Variants in DPF3 observed in about 807,000 individuals in gnomAD.
DPF3 encodes the protein double PHD fingers 3.
Under a neutral mutation model 56.8 loss-of-function variants are expected in DPF3, and 18 were observed. The ratio of observed to expected loss-of-function variants is 0.32; its 90% confidence interval spans 0.22 to 0.47. DPF3 has a LOEUF of 0.47. Ranked by LOEUF, DPF3 falls within the 20% of genes least tolerant of loss-of-function variation. The probability of loss-of-function intolerance (pLI) is 1.00; values close to 1 mark genes in which losing one functional copy is unlikely to be tolerated. For synonymous variants in DPF3, 188 were observed against 180.2 expected (o/e 1.04, Z -0.35); for missense variants, 403 against 488.8 (o/e 0.82, Z 1.65).
In DPF3 at chr14:72,792,931, T is replaced by A. The variant is rs893476761; in HGVS notation, c.33-21038A>T. ...GAGACCGTTCTTCAAAATAATAATTTAAAAAAAAAAAACACTGCTGAAACA... is the reference window on the plus strand; with the variant it reads ...GAGACCGTTCTTCAAAATAATAATTAAAAAAAAAAAAACACTGCTGAAACA... On this transcript the variant is annotated intron_variant, in intron 1 of 10. Transcript: ENST00000556509. 1.6e-3 allele frequency among the ~76,000 whole-genome samples: 238 copies of A among 147,952 alleles called. 2 individuals are homozygous for A. The highest frequency in any genetic ancestry group is 5.7e-3 in the African/African-American group (225 of 39,564).
At chr14:72,704,464 C>T (rs1211187669) in intron 6 of DPF3, among the ~76,000 whole-genome samples, 1 of 152,120 alleles carries the variant, frequency 6.6e-6, no homozygotes, top group Admixed American at 6.5e-5. Context: ...GACATCAGTG[C>T]GGCCTCAAAT....
At position 72,884,950 on chromosome 14, in the gene DPF3, ATATATAT is replaced by A. The variant is rs1334909417; in HGVS notation, c.32+9100_32+9106del. Among the ~76,000 whole-genome samples the A allele has an allele frequency of 9.5e-5, 8 of 84,320 alleles. 1 individual carries two copies. The highest frequency in any genetic ancestry group is 5.4e-4 in the Admixed American group (4 of 7,378). The allele number at this position is 84,320 out of a possible 152,430, so 55.3% of individuals were successfully genotyped here. A position where few individuals can be genotyped will look rare whatever the true frequency, so the allele number is the denominator to read the frequency against. On this transcript the variant is annotated intron_variant, in intron 1 of 10. Coordinates refer to ENST00000556509, the MANE Select transcript of DPF3 (RefSeq NM_001280542.3). The stretch of plus-strand genomic sequence containing the variant: ...TCTCTACTAAAAATACTATATATAT[ATATATAT>A]ATATATATATATATTAGCCGGGCGT...
chr14:72,873,242 C>T (rs1328928550), intron 1 of DPF3, among the ~76,000 whole-genome samples: 1 of 150,966 alleles, frequency 6.6e-6, no homozygotes, highest in Admixed American at 6.6e-5. Flanking sequence ...AACAAACAAC[C>T]CCATCAACAA....
chr14:72,677,040 A>T (rs1277793083), intron 7 of DPF3, among the ~76,000 whole-genome samples: 1 of 152,192 alleles, frequency 6.6e-6, no homozygotes, highest in African/African-American at 2.4e-5. Flanking sequence ...TCATCTGAAA[A>T]AGGGAAGCTT....
chr14:72,809,616 C>T (rs771099342), intron 1 of DPF3, among the ~76,000 whole-genome samples: 17 of 152,120 alleles, frequency 1.1e-4, no homozygotes, highest in Non-Finnish European at 2.2e-4. Flanking sequence ...AGGTCCTCGG[C>T]GCCTGGTGGA....
intron 7 of DPF3, among the ~76,000 whole-genome samples, chr14:72,678,209 T>C (rs1322608561): frequency 6.6e-6 from 1 of 152,126 alleles, no homozygotes; most frequent in South Asian, 2.1e-4. Flanking sequence ...TCCCCAGAGA[T>C]TGTGCCTCTA....
chr14:72,746,098 C>T (rs1462752169), intron 3 of DPF3, among the ~76,000 whole-genome samples: 2 of 152,340 alleles, frequency 1.3e-5, no homozygotes, highest in South Asian at 4.1e-4. Context: ...ACGTCCACCC[C>T]CCAGGGGGCA....
In DPF3 at chr14:72,784,697, G is replaced by A. The variant is rs141727822; in HGVS notation, c.33-12804C>T. Among the ~76,000 whole-genome samples the A allele has an allele frequency of 7.9e-5, 12 of 152,272 alleles. 1 individual carries two copies. The highest frequency in any genetic ancestry group is 1.7e-4 in the African/African-American group (7 of 41,556). ...AAATGGGCCAGGCACAGGGGCTCACGCCTGTAATCCTAACACTTTGGGAGG... is the reference window on the plus strand; with the variant it reads ...AAATGGGCCAGGCACAGGGGCTCACACCTGTAATCCTAACACTTTGGGAGG... On this transcript the variant is annotated intron_variant, in intron 1 of 10. Coordinates refer to ENST00000556509, the MANE Select transcript of DPF3 (RefSeq NM_001280542.3).
At chr14:72,862,207 C>T (rs934063356) in intron 1 of DPF3, among the ~76,000 whole-genome samples, 6 of 152,072 alleles carry the variant, frequency 3.9e-5, no homozygotes, top group Admixed American at 6.6e-5. Flanking sequence ...GTTCCCTAAC[C>T]CCCCCTGCAT....
chr14:72,661,854 C>CTTTTTTTTTTTTTTTTTTTTTG (rs1886228674), intron 8 of DPF3: 1 of 699,802 alleles, frequency 1.4e-6, no homozygotes, highest in African/African-American at 2.5e-5. Flanking sequence ...TTTATTTTTG[C>CTTTTTTTTTTTTTTTTTTTTTG]TTTTTTTTTT....
intron 8 of DPF3, among the ~76,000 whole-genome samples, chr14:72,654,634 A>G (rs1287913274): frequency 6.6e-6 from 1 of 152,136 alleles, no homozygotes; most frequent in African/African-American, 2.4e-5. Flanking sequence ...TCTGTAAAAT[A>G]CGAATTGTAA....
At chr14:72,716,301 C>T (rs1234734709) in intron 5 of DPF3, among the ~76,000 whole-genome samples, 9 of 152,136 alleles carry the variant, frequency 5.9e-5, no homozygotes, top group Admixed American at 4.6e-4. Flanking sequence ...GTGCCACACT[C>T]GCTTTGCCTC....
At position 72,820,573 on chromosome 14, in the gene DPF3, A is replaced by G. The variant is rs368182542; in HGVS notation, c.33-48680T>C. Among the ~76,000 whole-genome samples the G allele has an allele frequency of 3.3e-5, 5 of 152,252 alleles. No individual in the cohort carries two copies. In the East Asian group the frequency reaches 5.8e-4, roughly 18 times the overall value. On this transcript the variant is annotated intron_variant, in intron 1 of 10. Transcript: ENST00000556509. ...AGAACACAATTTGGAACACTATTAT[A>G]TAAGCTTTAGCAGGAACATTAAAGT...
At chr14:72,685,513 T>A (rs1887370601) in intron 7 of DPF3, among the ~76,000 whole-genome samples, 1 of 152,256 alleles carries the variant, frequency 6.6e-6, no homozygotes, top group South Asian at 2.1e-4. Context: ...AAGATAATTT[T>A]ATTTCTAACA....
chr14:72,871,951 C>A (rs1260629738), intron 1 of DPF3, among the ~76,000 whole-genome samples: 1 of 152,354 alleles, frequency 6.6e-6, no homozygotes, highest in East Asian at 1.9e-4. Flanking sequence ...TCCCTGAGGG[C>A]CCCGCCCCTG....
chr14:72,797,101 A>G (rs747923891), intron 1 of DPF3, among the ~76,000 whole-genome samples: 1 of 152,234 alleles, frequency 6.6e-6, no homozygotes, highest in Non-Finnish European at 1.5e-5. Flanking sequence ...CACCAGTTCC[A>G]AGCTCAGGCC....
intron 1 of DPF3, among the ~76,000 whole-genome samples, chr14:72,786,703 A>T (rs1892225010): frequency 6.6e-6 from 1 of 152,264 alleles, no homozygotes; most frequent in Admixed American, 6.5e-5. Context: ...CACACAGCTT[A>T]AGCAGATAGT....
chr14:72,858,915 G>A (rs1567259452), intron 1 of DPF3, among the ~76,000 whole-genome samples: 1 of 151,996 alleles, frequency 6.6e-6, no homozygotes, highest in Non-Finnish European at 1.5e-5. Context: ...TAAAAACAAA[G>A]GCATTTTTAA....
chr14:72,781,487 T>C (rs928199121), intron 1 of DPF3, among the ~76,000 whole-genome samples: 6 of 152,192 alleles, frequency 3.9e-5, no homozygotes, highest in African/African-American at 1.4e-4. Context: ...GTAGACCCAA[T>C]AAATCCCTTT....
Sources: gnomAD v4.1 joint callset for allele counts (sites outside exome capture counted in the v4.1 genomes callset) on GRCh38, gnomAD v4.1.1 for gene constraint, MANE v1.5 for transcripts, NCBI Gene and HGNC (gene_info 2026-07-23, HGNC 2026-07-21) for gene names.